Variants in FAM169A observed in about 807,000 individuals in gnomAD.
The protein encoded by FAM169A is family with sequence similarity 169 member A.
In FAM169A, 24 loss-of-function variants were observed where a neutral mutation model predicts 75.7. The ratio of observed to expected loss-of-function variants is 0.32; its 90% confidence interval spans 0.23 to 0.45. FAM169A has a LOEUF of 0.45. Ranked by LOEUF, FAM169A falls within the 20% of genes least tolerant of loss-of-function variation. The pLI, the probability that FAM169A is intolerant of heterozygous loss-of-function variation, is 1.00. For missense variants in FAM169A, 673 were observed against 784.0 expected, an observed-to-expected ratio of 0.86 and a Z score of 1.69; for synonymous variants, 271 against 271.0, an observed-to-expected ratio of 1.00 and a Z score of 0.00.
At chr5:74,814,575 T>C (rs1747374500) in intron 5 of FAM169A, among the ~76,000 whole-genome samples, 1 of 152,156 alleles carries the variant, frequency 6.6e-6, no homozygotes, top group Non-Finnish European at 1.5e-5. Context: ...GACTATAAAT[T>C]GGGGCGAATT....
rs1745193454 is a variant in FAM169A, at chr5:74,777,735, C to G, written c.*3725G>C. The G allele has an allele frequency of 6.6e-6, 1 of 151,356 alleles. No individual in the cohort carries two copies. The highest frequency in any genetic ancestry group is 1.9e-4 in the East Asian group (1 of 5,154). 9.4% of individuals were successfully genotyped at this position (151,356 alleles called of 1,614,324 possible). ...AAGGAAAGGAATTTAAAAACACAGA[C>G]CAGGAAACAATCACAAAATATAGGT... is the stretch of plus-strand genomic sequence containing the variant. On this transcript the variant is annotated 3_prime_UTR_variant, in exon 13 of 13. Transcript: ENST00000687041.
chr5:74,814,431 T>C (rs1747366834), intron 5 of FAM169A, among the ~76,000 whole-genome samples: 2 of 152,284 alleles, frequency 1.3e-5, no homozygotes, highest in South Asian at 4.1e-4. Flanking sequence ...CCTTTTTTTT[T>C]CTTTGAGGAT....
intron 1 of FAM169A, among the ~76,000 whole-genome samples, chr5:74,854,595 C>T (rs2112724364): frequency 6.6e-6 from 1 of 152,200 alleles, no homozygotes; most frequent in East Asian, 1.9e-4. Flanking sequence ...AGACTCACTT[C>T]CTCCCACCAC....
chr5:74,855,763 C>T (rs1434996944), intron 1 of FAM169A, among the ~76,000 whole-genome samples: 2 of 152,172 alleles, frequency 1.3e-5, no homozygotes, highest in East Asian at 3.9e-4. Context: ...GTTTCCTTTG[C>T]TATGCAGAAG....
chr5:74,830,209 G>C (rs1297240181), intron 5 of FAM169A, among the ~76,000 whole-genome samples: 2 of 152,186 alleles, frequency 1.3e-5, no homozygotes, highest in Non-Finnish European at 2.9e-5. Flanking sequence ...AGCCCTTGAT[G>C]ATGGGGAACT....
intron 11 of FAM169A, among the ~76,000 whole-genome samples, chr5:74,792,051 T>C (rs550850776): frequency 2.6e-5 from 4 of 152,370 alleles, no homozygotes; most frequent in African/African-American, 9.6e-5. Context: ...TAAGTGTTTA[T>C]GTAATATTAT....
intron 1 of FAM169A, among the ~76,000 whole-genome samples, chr5:74,856,403 T>G (rs1285535267): frequency 6.6e-6 from 1 of 152,216 alleles, no homozygotes; most frequent in Non-Finnish European, 1.5e-5. Flanking sequence ...TATTGATTCT[T>G]CCAATATATG....
intron 1 of FAM169A, among the ~76,000 whole-genome samples, chr5:74,860,859 C>T (rs1453963317): frequency 6.7e-6 from 1 of 150,342 alleles, no homozygotes. Context: ...AAGTCTAGGC[C>T]GGACACAGTG....
Position 74,805,106 on chromosome 5 carries a change from T to C in FAM169A, c.799+50A>G, listed in dbSNP as rs754666084. On this transcript the variant is annotated intron_variant, in intron 7 of 12. Coordinates refer to ENST00000687041, the MANE Select transcript of FAM169A (RefSeq NM_001376049.1). ...GACTTATGGGCCAGCAAGGACAGGC[T>C]ACCAAAAATAAATAAACTGAACTTA... The C allele has an allele frequency of 5.1e-6, 8 of 1,562,180 alleles. No individual in the cohort carries two copies. The East Asian group carries it at 1.6e-4, about 31-fold the overall frequency.
intron 6 of FAM169A, among the ~76,000 whole-genome samples, chr5:74,809,648 CATAAGCAAA>C (rs1421587123): frequency 1.3e-5 from 2 of 152,092 alleles, no homozygotes; most frequent in African/African-American, 4.8e-5. Flanking sequence ...TTCAATACAA[CATAAGCAAA>C]AGATGTGAAC....
intron 1 of FAM169A, among the ~76,000 whole-genome samples, chr5:74,856,640 C>T (rs1338142983): frequency 1.3e-5 from 2 of 151,278 alleles, no homozygotes; most frequent in Admixed American, 1.3e-4. Flanking sequence ...AGGACAGAGA[C>T]AAAAAAGAAG....
rs1463185823 is a variant in FAM169A, at chr5:74,834,611, C to T, written c.319-14G>A. 6.6e-7 allele frequency: 1 copy of T among 1,512,150 alleles called. No individual in the cohort carries two copies. The highest frequency in any genetic ancestry group is 8.8e-7 in the Non-Finnish European group (1 of 1,132,866). The allele number at this position is 1,512,150 out of a possible 1,614,324, so 93.7% of individuals were successfully genotyped here. A position where few individuals can be genotyped will look rare whatever the true frequency, so the allele number is the denominator to read the frequency against. On this transcript the variant is annotated splice_polypyrimidine_tract_variant and intron_variant, in intron 4 of 12. Coordinates refer to ENST00000687041, the MANE Select transcript of FAM169A (RefSeq NM_001376049.1). ...AAGAGTGCTCACCTACAAAGAGAGTCAAACACCAGGCACAGCAGTTATAAT... is the reference window on the plus strand; with the variant it reads ...AAGAGTGCTCACCTACAAAGAGAGTTAAACACCAGGCACAGCAGTTATAAT...
rs774378937 is a variant in FAM169A, at chr5:74,796,234, T to C, written c.1104-48A>G. On this transcript the variant is annotated intron_variant, in intron 10 of 12. Coordinates refer to ENST00000687041, the MANE Select transcript of FAM169A (RefSeq NM_001376049.1). ...TCTGACTTGTTTTATTAAGGATAAA[T>C]ATAAAATCTCAGAAGTCCTTTCTTA... 4 of 1,525,906 alleles carry C rather than the reference T, an allele frequency of 2.6e-6. No homozygotes were observed. The African/African-American group carries it at 5.6e-5, about 21-fold the overall frequency. The allele number at this position is 1,525,906 out of a possible 1,614,324, so 94.5% of individuals were successfully genotyped here. A position where few individuals can be genotyped will look rare whatever the true frequency, so the allele number is the denominator to read the frequency against.
chr5:74,793,092 C>T (rs1207654037), intron 11 of FAM169A, among the ~76,000 whole-genome samples: 1 of 151,946 alleles, frequency 6.6e-6, no homozygotes, highest in South Asian at 2.1e-4. Flanking sequence ...TTTGGGAGGC[C>T]GAGGTGGGTG....
intron 9 of FAM169A, 56 bp from the exon 10 acceptor site, chr5:74,801,086 C>A (rs1746548829): frequency 7.5e-7 from 1 of 1,332,628 alleles, no homozygotes; most frequent in Non-Finnish European, 9.9e-7. Context: ...AAAGGACTAC[C>A]TATTAAAATA....
intron 8 of FAM169A, among the ~76,000 whole-genome samples, chr5:74,804,214 G>A (rs1405288279): frequency 1.3e-5 from 2 of 152,054 alleles, no homozygotes; most frequent in African/African-American, 4.8e-5. Flanking sequence ...TATCTGAATA[G>A]TGGGATTATA....
intron 1 of FAM169A, 69 bp downstream of exon 1, chr5:74,866,096 G>A (rs1750325448): frequency 1.3e-6 from 1 of 797,802 alleles, no homozygotes; most frequent in Non-Finnish European, 1.5e-6. Flanking sequence ...GCTGGCGGGG[G>A]CGCGGGGCCC....
chr5:74,865,176 G>A (rs569381747), intron 1 of FAM169A, among the ~76,000 whole-genome samples: 2 of 152,326 alleles, frequency 1.3e-5, no homozygotes, highest in East Asian at 1.9e-4. Context: ...TTCGCAAGAA[G>A]CCAACGAATT....
intron 1 of FAM169A, among the ~76,000 whole-genome samples, chr5:74,861,575 C>T (rs1035945465): frequency 2.6e-5 from 4 of 152,030 alleles, no homozygotes; most frequent in South Asian, 2.1e-4. Flanking sequence ...ATCAGCCAGG[C>T]GTGCTGATGG....
Sources: allele counts gnomAD v4.1 joint callset (sites outside exome capture counted in the v4.1 genomes callset), GRCh38; gene constraint gnomAD v4.1.1; transcripts MANE v1.5; gene names NCBI Gene and HGNC (gene_info 2026-07-23, HGNC 2026-07-21).